Variants in RORA observed in about 807,000 individuals in gnomAD.
RORA encodes RAR related orphan receptor A, also known as nuclear receptor ROR-alpha.
RORA carries 7 observed loss-of-function variants against 69.5 expected under a neutral mutation model. The observed-to-expected ratio is 0.10, with a 90% CI of 0.06 to 0.19. RORA has a LOEUF of 0.19. Among genes scored for constraint, RORA ranks in the 10% least tolerant of loss-of-function variants. RORA has a pLI of 1.00. For synonymous variants in RORA, 261 were observed against 240.8 expected, an observed-to-expected ratio of 1.08 and a Z score of -0.78; for missense variants, 457 against 663.0, an observed-to-expected ratio of 0.69 and a Z score of 3.41.
chr15:61,025,197 T>A (rs1049585164), intron 1 of RORA, among the ~76,000 whole-genome samples: 5 of 152,208 alleles, frequency 3.3e-5, no homozygotes, highest in African/African-American at 1.2e-4. Context: ...TAGCCATTCT[T>A]ATGGCATAGC....
At chr15:61,140,522 C>T (rs1334916811) in intron 1 of RORA, among the ~76,000 whole-genome samples, 3 of 152,136 alleles carry the variant, frequency 2.0e-5, no homozygotes, top group Non-Finnish European at 4.4e-5. Context: ...AACAATGCCC[C>T]GATCCAGAGC....
In RORA at chr15:61,061,810, C is replaced by T. The variant is rs531346653; in HGVS notation, c.166+167243G>A. ...GGGCACGGTGGTTCACGCCTGTAAC[C>T]CCAGCACTTTGGGAGGCCAAGGCAG... On this transcript the variant is annotated intron_variant, in intron 1 of 10. Coordinates refer to ENST00000335670, the MANE Select transcript of RORA (RefSeq NM_134261.3). The surrounding 1 kb of genome is among the most constrained non-coding windows in gnomAD (Gnocchi z 4.4). Among the ~76,000 whole-genome samples the T allele has an allele frequency of 4.6e-5, 7 of 152,118 alleles. No homozygotes were observed. In the East Asian group the frequency reaches 9.7e-4, roughly 21 times the overall value.
intron 1 of RORA, among the ~76,000 whole-genome samples, chr15:60,991,407 G>A (rs948489976): frequency 6.6e-6 from 1 of 152,072 alleles, no homozygotes; most frequent in African/African-American, 2.4e-5. Flanking sequence ...CAGTTAGAGA[G>A]GTCAATAGAG....
chr15:60,592,079 G>C (rs1222511356), intron 2 of RORA, among the ~76,000 whole-genome samples: 6 of 151,968 alleles, frequency 3.9e-5, no homozygotes, highest in Non-Finnish European at 7.4e-5. Flanking sequence ...GGCGACTCCC[G>C]GCAAACTTTC....
rs3053858 is a variant in RORA at position 60,624,471 on chromosome 15, C to CATATAT, written c.196+54180_196+54185dup. ...GGAAGAGGTCCTCTTCCATTTGCTGCATATATATATATATATATATATATA... is the reference window on the plus strand; with the variant it reads ...GGAAGAGGTCCTCTTCCATTTGCTGCATATATATATATATATATATATATATATATA... On this transcript the variant is annotated intron_variant, in intron 2 of 10. Transcript: ENST00000335670. 8.2e-3 allele frequency among the ~76,000 whole-genome samples: 606 copies of CATATAT among 73,526 alleles called. 8 individuals carry two copies. The highest frequency in any genetic ancestry group is 0.02 in the African/African-American group (309 of 15,210). The allele number at this position is 73,526 out of a possible 152,430, so 48.2% of individuals were successfully genotyped here.
In RORA at chr15:60,857,635, C is replaced by T. The variant is rs146371741; in HGVS notation, c.167-178949G>A. 4.1e-3 allele frequency among the ~76,000 whole-genome samples: 629 copies of T among 152,244 alleles called. 3 individuals carry two copies. Among genetic ancestry groups the T allele is most frequent in the Non-Finnish European group, 6.3e-3 (426 of 68,026 alleles). On this transcript the variant is annotated intron_variant, in intron 1 of 10. Transcript: ENST00000335670. ...CCAAGCAGAAGGCCTACCTGGCTGCCGCACACGCCCTGCAAAATGGCACAC... is the reference window on the plus strand; with the variant it reads ...CCAAGCAGAAGGCCTACCTGGCTGCTGCACACGCCCTGCAAAATGGCACAC...
intron 1 of RORA, among the ~76,000 whole-genome samples, chr15:60,728,588 G>C (rs1374953916): frequency 6.6e-6 from 1 of 152,116 alleles, no homozygotes; most frequent in African/African-American, 2.4e-5. Flanking sequence ...AGTTGAATGA[G>C]GGGATTAAAA....
At chr15:60,672,306 T>G (rs1005474678) in intron 2 of RORA, among the ~76,000 whole-genome samples, 13 of 151,998 alleles carry the variant, frequency 8.6e-5, no homozygotes, top group African/African-American at 2.9e-4. Flanking sequence ...TACTTTAGAG[T>G]GGAAGAACCA....
chr15:60,582,807 G>A (rs1000007014), intron 2 of RORA, among the ~76,000 whole-genome samples: 2 of 152,172 alleles, frequency 1.3e-5, no homozygotes, highest in African/African-American at 4.8e-5. Context: ...TGACCTGTGA[G>A]GTCTATTGCA....
chr15:60,590,867 A>G (rs1473976590), intron 2 of RORA, among the ~76,000 whole-genome samples: 1 of 152,224 alleles, frequency 6.6e-6, no homozygotes, highest in East Asian at 1.9e-4. Flanking sequence ...CATTCCCCTC[A>G]AGCCACAGGG....
chr15:61,166,029 C>T (rs752701463), intron 1 of RORA, among the ~76,000 whole-genome samples: 2 of 152,216 alleles, frequency 1.3e-5, no homozygotes, highest in Non-Finnish European at 2.9e-5. Flanking sequence ...ACTCTTAATG[C>T]ATGCAGGGCT....
chr15:60,593,839 TGTAA>T (rs34386049), intron 2 of RORA, among the ~76,000 whole-genome samples: 31,493 of 151,940 alleles, frequency 0.21, 3,852 homozygotes, highest in East Asian at 0.48. Flanking sequence ...TTTTTCTCCA[TGTAA>T]GTGAGTTGCT....
chr15:60,716,722 A>AGG (rs1284857416), intron 1 of RORA, among the ~76,000 whole-genome samples: 1 of 152,032 alleles, frequency 6.6e-6, no homozygotes, highest in Non-Finnish European at 1.5e-5. Context: ...CCTCAGAGAG[A>AGG]GTCCCACCCT....
At position 60,635,322 on chromosome 15, in the gene RORA, C is replaced by T. The variant is rs544458279; in HGVS notation, c.196+43335G>A. On this transcript the variant is annotated intron_variant, in intron 2 of 10. Transcript: ENST00000335670. ...GGTGATGGTAGTGTATTGCTGAATT[C>T]TGTGTTTTGGAATAAATTAGATTTT... Among the ~76,000 whole-genome samples the T allele has an allele frequency of 3.9e-5, 6 of 152,134 alleles. No homozygotes were observed. In the East Asian group the frequency reaches 1.2e-3, roughly 29 times the overall value.
At chr15:60,842,738 C>T (rs946549802) in intron 1 of RORA, among the ~76,000 whole-genome samples, 4 of 151,898 alleles carry the variant, frequency 2.6e-5, no homozygotes, top group Non-Finnish European at 4.4e-5. Flanking sequence ...ATGGTCACCC[C>T]CTCCCAAACC....
At chr15:61,122,699 C>CCCTCTTAAAA (rs1178184029) in intron 1 of RORA, among the ~76,000 whole-genome samples, 2 of 151,892 alleles carry the variant, frequency 1.3e-5, no homozygotes, top group African/African-American at 4.8e-5. Flanking sequence ...CTTTTTAAGA[C>CCCTCTTAAAA]AGGTGTCTGG....
At chr15:60,844,734 A>G (rs990999197) in intron 1 of RORA, among the ~76,000 whole-genome samples, 7 of 152,210 alleles carry the variant, frequency 4.6e-5, no homozygotes, top group Admixed American at 2.0e-4. Context: ...TGAAACAGAC[A>G]TGAAAAAGTA....
At position 61,042,469 on chromosome 15, in the gene RORA, C is replaced by T. The variant is rs115729627; in HGVS notation, c.166+186584G>A. On this transcript the variant is annotated intron_variant, in intron 1 of 10. Transcript: ENST00000335670. ...CATTCTGATACTACCCGCTGGAGTA[C>T]GGATGTGTAGTTAAATGCTTTCTAA... is the stretch of plus-strand genomic sequence containing the variant. Among the ~76,000 whole-genome samples the T allele has an allele frequency of 7.6e-3, 1,162 of 152,258 alleles. 15 individuals carry two copies. Among genetic ancestry groups the T allele is most frequent in the African/African-American group, 0.027 (1,114 of 41,548 alleles).
intron 3 of RORA, among the ~76,000 whole-genome samples, chr15:60,516,261 A>G (rs1457121259): frequency 2.3e-5 from 2 of 87,610 alleles, no homozygotes; most frequent in African/African-American, 9.3e-5. Context: ...ATATATATAT[A>G]TTTATATATT....
Sources: allele counts gnomAD v4.1 joint callset (sites outside exome capture counted in the v4.1 genomes callset), GRCh38; gene constraint gnomAD v4.1.1; non-coding constraint Gnocchi (gnomAD v3.1); transcripts MANE v1.5; gene names NCBI Gene and HGNC (gene_info 2026-07-23, HGNC 2026-07-21).